CPNE4: variants seen among roughly 807,000 people sequenced by gnomAD.
CPNE4 encodes copine 4, also known as copine-4.
Under a neutral mutation model 67.9 loss-of-function variants are expected in CPNE4, and 25 were observed. That is an observed-to-expected ratio of 0.37 (90% CI 0.27 to 0.51). The LOEUF is 0.51. Among genes scored for constraint, CPNE4 ranks in the 20% least tolerant of loss-of-function variants. The pLI is 0.93. For synonymous variants in CPNE4, 242 were observed against 244.9 expected, an observed-to-expected ratio of 0.99 and a Z score of 0.11; for missense variants, 464 against 690.8, an observed-to-expected ratio of 0.67 and a Z score of 3.68.
At chr3:131,977,023 A>G (rs1249948191) in intron 1 of CPNE4, among the ~76,000 whole-genome samples, 1 of 152,038 alleles carries the variant, frequency 6.6e-6, no homozygotes, top group Admixed American at 6.6e-5. Context: ...GCTGGTCTCG[A>G]ACTCCTGACC....
chr3:131,696,468 G>C (rs952179495), intron 5 of CPNE4, 74 bp downstream of exon 5: 129 of 1,378,420 alleles, frequency 9.4e-5, no homozygotes, highest in Non-Finnish European at 1.3e-4. Context: ...AAAAATAGTT[G>C]CAGGGGGAAA....
At chr3:131,612,171 C>G (rs1939879235) in intron 7 of CPNE4, among the ~76,000 whole-genome samples, 1 of 152,088 alleles carries the variant, frequency 6.6e-6, no homozygotes. Context: ...GTCAGGAGTT[C>G]AAGACCAGCC....
chr3:131,706,082 A>T (rs546902142), intron 3 of CPNE4, among the ~76,000 whole-genome samples: 5 of 152,158 alleles, frequency 3.3e-5, no homozygotes, highest in Non-Finnish European at 7.4e-5. Flanking sequence ...TCAAGGGCAC[A>T]TGGTATCTTT....
chr3:131,960,122 G>T (rs2072123277), intron 1 of CPNE4, among the ~76,000 whole-genome samples: 4 of 151,984 alleles, frequency 2.6e-5, no homozygotes, highest in Admixed American at 2.6e-4. Context: ...AGAAAGAGTG[G>T]AGAGGGAGGG....
intron 2 of CPNE4, among the ~76,000 whole-genome samples, chr3:131,754,524 T>C (rs1330504327): frequency 6.6e-6 from 1 of 152,178 alleles, no homozygotes; most frequent in African/African-American, 2.4e-5. Context: ...AATATAGATA[T>C]ACTATCTCTC....
intron 2 of CPNE4, among the ~76,000 whole-genome samples, chr3:131,763,308 G>T (rs2082933959): frequency 1.3e-5 from 2 of 152,234 alleles, no homozygotes; most frequent in African/African-American, 4.8e-5. Flanking sequence ...CAGCTGATCT[G>T]CAGTGTACCC....
intron 1 of CPNE4, among the ~76,000 whole-genome samples, chr3:132,024,087 T>A (rs1230403654): frequency 3.6e-5 from 5 of 140,460 alleles, no homozygotes; most frequent in Non-Finnish European, 6.0e-5. Context: ...CAGTAATTTT[T>A]TTTTTTTTTT....
At chr3:131,682,357 G>T (rs1454697910) in intron 6 of CPNE4, among the ~76,000 whole-genome samples, 1 of 152,138 alleles carries the variant, frequency 6.6e-6, no homozygotes, top group Non-Finnish European at 1.5e-5. Flanking sequence ...GCATTAGGGG[G>T]CATCCCAAGC....
intron 3 of CPNE4, 76 bp from the exon 4 acceptor site, chr3:131,700,056 T>A: frequency 2.7e-5 from 3 of 113,150 alleles, no homozygotes; most frequent in Non-Finnish European, 4.5e-5. Flanking sequence ...TTTTAAACCT[T>A]TTTTTTTTTT....
intron 1 of CPNE4, among the ~76,000 whole-genome samples, chr3:131,932,702 C>A (rs1219109141): frequency 6.6e-6 from 1 of 151,784 alleles, no homozygotes; most frequent in Non-Finnish European, 1.5e-5. Flanking sequence ...CCAAGGTGGG[C>A]AGATCATCTG....
chr3:131,830,559 A>G (rs888136179), intron 2 of CPNE4, among the ~76,000 whole-genome samples: 9 of 152,078 alleles, frequency 5.9e-5, no homozygotes, highest in African/African-American at 2.2e-4. Flanking sequence ...TACTGGCGAG[A>G]GACTCTTCAA....
chr3:132,010,327 T>A (rs1373314636), intron 1 of CPNE4, among the ~76,000 whole-genome samples: 6 of 152,202 alleles, frequency 3.9e-5, no homozygotes, highest in African/African-American at 1.4e-4. Flanking sequence ...ATTATTATGG[T>A]CCAACAAAGT....
At chr3:131,810,515 A>T (rs941506440) in intron 2 of CPNE4, among the ~76,000 whole-genome samples, 11 of 152,038 alleles carry the variant, frequency 7.2e-5, no homozygotes, top group African/African-American at 2.2e-4. Flanking sequence ...ATCATAGATT[A>T]AAAAAAGGTA....
intron 2 of CPNE4, among the ~76,000 whole-genome samples, chr3:131,820,738 C>T (rs2084932747): frequency 6.6e-6 from 1 of 152,176 alleles, no homozygotes; most frequent in African/African-American, 2.4e-5. Context: ...AACACACACT[C>T]ATCTCTTTTA....
chr3:132,033,697 AAAGCCCACCTACTCC>A (rs779767863), intron 1 of CPNE4, among the ~76,000 whole-genome samples: 10 of 152,370 alleles, frequency 6.6e-5, no homozygotes, highest in Middle Eastern at 3.4e-3. Context: ...ATAGGGCCTT[AAAGCCCACCTACTCC>A]AAGATGAAGG....
chr3:131,814,482 T>C (rs1169654701), intron 2 of CPNE4, among the ~76,000 whole-genome samples: 1 of 150,810 alleles, frequency 6.6e-6, no homozygotes, highest in Non-Finnish European at 1.5e-5. Flanking sequence ...GGGAGAAAAC[T>C]AGGAATACTT....
At chr3:131,884,369 G>A (rs1001159578) in intron 2 of CPNE4, among the ~76,000 whole-genome samples, 17 of 152,162 alleles carry the variant, frequency 1.1e-4, no homozygotes, top group Admixed American at 6.5e-5. Flanking sequence ...TAGATGGAGA[G>A]TGGACAAGGA....
At chr3:131,666,841 C>T (rs537250107) in intron 7 of CPNE4, among the ~76,000 whole-genome samples, 283 of 152,202 alleles carry the variant, frequency 1.9e-3, no homozygotes, top group African/African-American at 6.1e-3. Flanking sequence ...TTAAAGGAGG[C>T]TTCAGAGACA....
chr3:131,780,094 A>G (rs1364422494), intron 2 of CPNE4, among the ~76,000 whole-genome samples: 2 of 152,134 alleles, frequency 1.3e-5, no homozygotes, highest in Non-Finnish European at 2.9e-5. Flanking sequence ...CAATATCACT[A>G]ATCATTAGGG....
Sources: gnomAD v4.1 joint callset for allele counts (sites outside exome capture counted in the v4.1 genomes callset) on GRCh38, gnomAD v4.1.1 for gene constraint, MANE v1.5 for transcripts, NCBI Gene and HGNC (gene_info 2026-07-23, HGNC 2026-07-21) for gene names.